NBPF15: variants seen among roughly 807,000 people sequenced by gnomAD.
The protein encoded by NBPF15 is NBPF member 15.
A neutral mutation model predicts 62.2 loss-of-function variants in NBPF15; 74 were observed. The ratio of observed to expected loss-of-function variants is 1.19; its 90% CI spans 0.99 to 1.44. The LOEUF (loss-of-function observed/expected upper bound fraction) is 1.44, where lower values mean the gene tolerates loss of function less well. Among genes scored for constraint, NBPF15 ranks in the 40% most tolerant of loss-of-function variants. NBPF15 has a pLI of 0.00. For missense variants in NBPF15, 790 were observed against 550.0 expected (o/e 1.44, Z -4.36); for synonymous variants, 244 against 209.7 (o/e 1.16, Z -1.41).
chr1:144,431,978 C>G (rs1674689225), intron 13 of NBPF15, among the ~76,000 whole-genome samples: 1 of 151,094 alleles, frequency 6.6e-6, no homozygotes, highest in Admixed American at 6.6e-5. Context: ...TTTACAGCAG[C>G]ATGATTTATA....
rs1294058602 is a variant in NBPF15 at position 144,435,437 on chromosome 1, C to G, written c.567-121G>C. On this transcript the variant is annotated intron_variant, in intron 11 of 21. Transcript: ENST00000581897. ...GAGTGGTCCCAGAAAGCAAAATGGACGTTCCCATTAAGAGGGAACATGCAA... is the reference window on the plus strand; with the variant it reads ...GAGTGGTCCCAGAAAGCAAAATGGAGGTTCCCATTAAGAGGGAACATGCAA... 348 of 1,477,240 alleles carry G rather than the reference C, an allele frequency of 2.4e-4. 2 individuals are homozygous for G. The highest frequency in any genetic ancestry group is 1.5e-3 in the South Asian group (127 of 87,534). The allele number at this position is 1,477,240 out of a possible 1,614,324, so 91.5% of individuals were successfully genotyped here.
chr1:144,445,530 T>C (rs1248738016), intron 6 of NBPF15, among the ~76,000 whole-genome samples: 16 of 149,574 alleles, frequency 1.1e-4, no homozygotes, highest in Non-Finnish European at 2.4e-4. Flanking sequence ...TTCATAGCTG[T>C]AGAGTAATTC....
intron 21 of NBPF15, 84 bp downstream of exon 21, chr1:144,423,786 A>T (rs1176662239): frequency 1.2e-5 from 9 of 724,116 alleles, no homozygotes; most frequent in Admixed American, 7.8e-5. Flanking sequence ...TGAAAACATG[A>T]CATCAAACAC....
At position 144,427,542 on chromosome 1, in the gene NBPF15, G is replaced by T. The variant is rs1413699391; in HGVS notation, c.1213+276C>A. Among the ~76,000 whole-genome samples the T allele has an allele frequency of 2.0e-5, 3 of 147,638 alleles. 1 individual carries two copies. Among genetic ancestry groups the T allele is most frequent in the Non-Finnish European group, 4.5e-5 (3 of 66,688 alleles). On this transcript the variant is annotated intron_variant, in intron 16 of 21. Coordinates refer to ENST00000581897, the MANE Select transcript of NBPF15 (RefSeq NM_001385408.1). ...ACAAAATTGAGACAAAATCAGAGTT[G>T]TGTGAATTTGTCACATCTGCCCAGG...
chr1:144,442,338 C>T (rs1571142703), intron 6 of NBPF15, among the ~76,000 whole-genome samples: 3 of 114,462 alleles, frequency 2.6e-5, no homozygotes, highest in African/African-American at 7.0e-5. Context: ...TACACGTGTG[C>T]CATGTATATA....
intron 9 of NBPF15, 85 bp from the exon 10 acceptor site, chr1:144,437,194 T>G (rs1339897639): frequency 1.6e-6 from 2 of 1,287,434 alleles, no homozygotes; most frequent in African/African-American, 1.5e-5. Flanking sequence ...TCTGAGACAA[T>G]GTCCTCAAGG....
rs1472847776 is a variant in NBPF15, at chr1:144,433,293, T to C, written c.824+480A>G. ...AACATACCAGAATCTCTGAGACACATTTAAAGCAATGTGTAGAGGGAAAAT... is the reference window on the plus strand; with the variant it reads ...AACATACCAGAATCTCTGAGACACACTTAAAGCAATGTGTAGAGGGAAAAT... On this transcript the variant is annotated intron_variant, in intron 13 of 21. Coordinates refer to ENST00000581897, the MANE Select transcript of NBPF15 (RefSeq NM_001385408.1). 5.3e-5 allele frequency among the ~76,000 whole-genome samples: 8 copies of C among 152,134 alleles called. No individual in the cohort carries two copies. In the East Asian group the frequency reaches 1.5e-3, roughly 29 times the overall value.
intron 12 of NBPF15, 131 bp downstream of exon 12, chr1:144,434,980 C>G (rs1216167192): frequency 5.1e-5 from 78 of 1,540,248 alleles, no homozygotes; most frequent in African/African-American, 3.0e-4. Flanking sequence ...GACAAAAAAA[C>G]TCCCTGATAT....
At chr1:144,440,359 C>T in intron 6 of NBPF15, 64 bp from the exon 7 acceptor site, 1 of 945,168 alleles carries the variant, frequency 1.1e-6, no homozygotes, top group Non-Finnish European at 1.5e-6. Context: ...CCCTGCATTC[C>T]AATTGCCCAG....
intron 16 of NBPF15, among the ~76,000 whole-genome samples, 171 bp from the exon 17 acceptor site, chr1:144,427,269 G>T (rs1670432509): frequency 6.9e-6 from 1 of 145,810 alleles, no homozygotes; most frequent in Admixed American, 6.9e-5. Context: ...AGATTCCTTG[G>T]TTTTTGTCCC....
At chr1:144,436,206 C>T (rs1258237511) in intron 10 of NBPF15, among the ~76,000 whole-genome samples, 39 of 152,078 alleles carry the variant, frequency 2.6e-4, no homozygotes, top group Admixed American at 1.3e-4. Context: ...GTTTGCATTT[C>T]AAACCTAATT....
intron 14 of NBPF15, 148 bp from the exon 15 acceptor site, chr1:144,428,805 G>A (rs1571114347): frequency 3.2e-6 from 2 of 615,920 alleles, no homozygotes; most frequent in East Asian, 2.7e-5. Context: ...GTAGGCCTGA[G>A]GTCAAGTCTT....
intron 15 of NBPF15, 96 bp downstream of exon 15, chr1:144,428,510 G>A: frequency 3.8e-6 from 3 of 787,642 alleles, no homozygotes; most frequent in South Asian, 2.8e-5. Flanking sequence ...TGTCTGACAA[G>A]ACAAAATCAT....
intron 13 of NBPF15, among the ~76,000 whole-genome samples, chr1:144,431,177 C>T (rs1212195132): frequency 6.6e-6 from 1 of 150,990 alleles, no homozygotes; most frequent in East Asian, 1.9e-4. Context: ...AGGACTTCCC[C>T]AACCTAGCAA....
chr1:144,445,549 G>A (rs1686896873), intron 6 of NBPF15, among the ~76,000 whole-genome samples: 1 of 148,814 alleles, frequency 6.7e-6, no homozygotes, highest in African/African-American at 2.5e-5. Flanking sequence ...TCTGGAAATA[G>A]GTAGTGAATT....
chr1:144,445,496 T>C (rs1321336016), intron 6 of NBPF15, among the ~76,000 whole-genome samples: 1 of 149,512 alleles, frequency 6.7e-6, no homozygotes, highest in Non-Finnish European at 1.5e-5. Flanking sequence ...ATTTTTTTTT[T>C]CAACAAAACA....
chr1:144,427,499 A>G (rs1454464461), intron 16 of NBPF15, among the ~76,000 whole-genome samples: 3 of 149,698 alleles, frequency 2.0e-5, no homozygotes, highest in Admixed American at 1.3e-4. Flanking sequence ...AGAGTGAAGG[A>G]TGAAATCTAC....
intron 14 of NBPF15, among the ~76,000 whole-genome samples, chr1:144,429,088 G>A (rs1239118587): frequency 3.3e-5 from 5 of 152,024 alleles, no homozygotes; most frequent in African/African-American, 1.2e-4. Flanking sequence ...GAGTCAAAAT[G>A]AAACTTGGTT....
intron 3 of NBPF15, among the ~76,000 whole-genome samples, chr1:144,457,960 G>A (rs1199310276): frequency 5.9e-5 from 9 of 151,766 alleles, no homozygotes; most frequent in Admixed American, 5.9e-4. Flanking sequence ...AGTGGTGCAT[G>A]CCTGTAGACC....
Sources: allele counts gnomAD v4.1 joint callset (sites outside exome capture counted in the v4.1 genomes callset), GRCh38; gene constraint gnomAD v4.1.1; transcripts MANE v1.5; gene names NCBI Gene and HGNC (gene_info 2026-07-23, HGNC 2026-07-21).